The following GALNTL6 variants were observed in gnomAD, a reference collection of about 807,000 sequenced individuals.
GALNTL6 encodes the protein polypeptide N-acetylgalactosaminyltransferase-like 6.
Under a neutral mutation model 73.7 loss-of-function variants are expected in GALNTL6, and 46 were observed. The ratio of observed to expected loss-of-function variants is 0.62; its 90% CI spans 0.49 to 0.80. The LOEUF (loss-of-function observed/expected upper bound fraction) is 0.80. Ranked by LOEUF, GALNTL6 falls within the 30% of genes least tolerant of loss-of-function variation. The pLI is 0.00. For synonymous variants in GALNTL6, 259 were observed against 263.7 expected, an observed-to-expected ratio of 0.98 and a Z score of 0.17; for missense variants, 604 against 755.0, an observed-to-expected ratio of 0.80 and a Z score of 2.34.
intron 12 of GALNTL6, among the ~76,000 whole-genome samples, chr4:173,023,517 C>A (rs1561092700): frequency 6.6e-6 from 1 of 152,150 alleles, no homozygotes; most frequent in Admixed American, 6.5e-5. Context: ...ATTAGCCAGG[C>A]ATGTTGGTGC....
At chr4:172,149,454 T>C in intron 2 of GALNTL6, among the ~76,000 whole-genome samples, 1 of 152,198 alleles carries the variant, frequency 6.6e-6, no homozygotes, top group East Asian at 1.9e-4. Flanking sequence ...TCTAGGTCCC[T>C]TTTCTCCTCT....
At chr4:172,826,279 G>A (rs189157070) in intron 7 of GALNTL6, among the ~76,000 whole-genome samples, 27 of 152,350 alleles carry the variant, frequency 1.8e-4, no homozygotes, top group African/African-American at 4.1e-4. Context: ...GAGTAGGGAT[G>A]CATGGAGAAT....
At chr4:172,029,961 T>C (rs1741715812) in intron 2 of GALNTL6, among the ~76,000 whole-genome samples, 2 of 152,124 alleles carry the variant, frequency 1.3e-5, no homozygotes, top group African/African-American at 4.8e-5. Flanking sequence ...TAATAACCCT[T>C]ATTAGGTATA....
chr4:172,405,229 C>T lies in GALNTL6; in HGVS notation c.553+56540C>T, dbSNP rs987958377. ...TTAGACACTAGGCCATTCTTGACAA[C>T]TGAGTTCTCACATTTCCTCATCCAC... On this transcript the variant is annotated intron_variant, in intron 5 of 12. Transcript: ENST00000506823. Among the ~76,000 whole-genome samples, 3 of 151,484 alleles carry T rather than the reference C, an allele frequency of 2.0e-5. No individual in the cohort carries two copies. The Admixed American group carries it at 2.0e-4, about 10-fold the overall frequency.
intron 5 of GALNTL6, among the ~76,000 whole-genome samples, chr4:172,350,533 G>C (rs1741906639): frequency 6.6e-6 from 1 of 152,038 alleles, no homozygotes; most frequent in South Asian, 2.1e-4. Context: ...AACAGTAATG[G>C]TGATTTTTGA....
intron 5 of GALNTL6, among the ~76,000 whole-genome samples, chr4:172,572,651 A>G (rs1451110378): frequency 6.6e-6 from 1 of 152,204 alleles, no homozygotes; most frequent in East Asian, 1.9e-4. Flanking sequence ...CAACCGTCTC[A>G]AACCAATTTC....
chr4:172,842,133 C>G (rs1743247013), intron 7 of GALNTL6, among the ~76,000 whole-genome samples: 1 of 152,206 alleles, frequency 6.6e-6, no homozygotes, highest in African/African-American at 2.4e-5. Flanking sequence ...TCAAATCTAG[C>G]ATTTCTGTCT....
Position 172,760,899 on chromosome 4 carries a change from G to C in GALNTL6, c.554-48462G>C, listed in dbSNP as rs1284727577. Among the ~76,000 whole-genome samples the C allele has an allele frequency of 2.0e-5, 3 of 152,256 alleles. No individual in the cohort carries two copies. In the East Asian group the frequency reaches 5.8e-4, roughly 29 times the overall value. ...AGAAAATTGACAAAGTAACCCGAACGGTTGCCTAAATGCAGTGACCAACAT... is the reference window on the plus strand; with the variant it reads ...AGAAAATTGACAAAGTAACCCGAACCGTTGCCTAAATGCAGTGACCAACAT... On this transcript the variant is annotated intron_variant, in intron 5 of 12. Coordinates refer to ENST00000506823, the MANE Select transcript of GALNTL6 (RefSeq NM_001034845.3).
intron 2 of GALNTL6, among the ~76,000 whole-genome samples, chr4:171,995,578 G>A (rs113651572): frequency 0.019 from 2,838 of 152,102 alleles, 94 homozygotes; most frequent in African/African-American, 0.063. Context: ...AAAAGAGTAT[G>A]TGCAGTCTTT....
At chr4:172,745,093 G>C (rs1170412366) in intron 5 of GALNTL6, among the ~76,000 whole-genome samples, 1 of 151,844 alleles carries the variant, frequency 6.6e-6, no homozygotes. Flanking sequence ...GCAAGAATTA[G>C]CCTTAAATGA....
chr4:172,260,234 A>G (rs1205328132), intron 3 of GALNTL6, among the ~76,000 whole-genome samples: 2 of 151,880 alleles, frequency 1.3e-5, no homozygotes, highest in Non-Finnish European at 2.9e-5. Flanking sequence ...TGAGCATGGA[A>G]TGTGTTACCA....
chr4:171,890,649 A>C (rs1197587757), intron 2 of GALNTL6, among the ~76,000 whole-genome samples: 1 of 152,166 alleles, frequency 6.6e-6, no homozygotes, highest in African/African-American at 2.4e-5. Context: ...TTTCTTTGGC[A>C]ATAAGCATTA....
chr4:172,526,323 C>G (rs1734951703), intron 5 of GALNTL6, among the ~76,000 whole-genome samples: 1 of 152,188 alleles, frequency 6.6e-6, no homozygotes, highest in African/African-American at 2.4e-5. Context: ...AGCTTCTTCT[C>G]TATCCTCACG....
At chr4:172,007,349 T>C (rs1740872178) in intron 2 of GALNTL6, among the ~76,000 whole-genome samples, 1 of 152,088 alleles carries the variant, frequency 6.6e-6, no homozygotes, top group African/African-American at 2.4e-5. Flanking sequence ...TTATGAACTA[T>C]AGCTGACATA....
At chr4:171,883,255 G>A (rs1165713358) in intron 2 of GALNTL6, among the ~76,000 whole-genome samples, 2 of 152,114 alleles carry the variant, frequency 1.3e-5, no homozygotes, top group African/African-American at 4.8e-5. Flanking sequence ...AGGAAGCTGA[G>A]GCAGGAGAAT....
chr4:171,986,949 G>A (rs963572256), intron 2 of GALNTL6, among the ~76,000 whole-genome samples: 1 of 152,140 alleles, frequency 6.6e-6, no homozygotes, highest in Non-Finnish European at 1.5e-5. Context: ...AGTGTAAACC[G>A]GCAGTGTAAA....
chr4:172,718,687 T>C (rs1735262529), intron 5 of GALNTL6, among the ~76,000 whole-genome samples: 2 of 151,994 alleles, frequency 1.3e-5, no homozygotes, highest in South Asian at 4.2e-4. Context: ...CTGTCACATG[T>C]CAAAAGAATC....
In GALNTL6 at chr4:172,682,237, TA is replaced by T. The variant is rs962928728; in HGVS notation, c.554-127116del. 5.3e-5 allele frequency among the ~76,000 whole-genome samples: 8 copies of T among 151,844 alleles called. 1 individual carries two copies. Among genetic ancestry groups the T allele is most frequent in the African/African-American group, 1.7e-4 (7 of 41,320 alleles). On this transcript the variant is annotated intron_variant, in intron 5 of 12. Transcript: ENST00000506823. ...GTTCTTCGTTATTATTTAAGATAAT[TA>T]AAAAAAAGAATTCTTCTTTTAGATC... is the stretch of plus-strand genomic sequence containing the variant.
chr4:172,988,393 G>C (rs1157355691), intron 10 of GALNTL6, among the ~76,000 whole-genome samples: 3 of 152,196 alleles, frequency 2.0e-5, no homozygotes, highest in African/African-American at 4.8e-5. Context: ...TTCAAGGTCT[G>C]CCCTGGCTGC....
Sources: allele counts gnomAD v4.1 joint callset (sites outside exome capture counted in the v4.1 genomes callset), GRCh38; gene constraint gnomAD v4.1.1; transcripts MANE v1.5; gene names NCBI Gene and HGNC (gene_info 2026-07-23, HGNC 2026-07-21).